The following TNR variants were observed in gnomAD, a reference collection of about 807,000 sequenced individuals.
The protein encoded by TNR is tenascin-R.
Under a neutral mutation model 150.4 loss-of-function variants are expected in TNR, and 45 were observed. The ratio of observed to expected loss-of-function variants is 0.30; its 90% confidence interval spans 0.24 to 0.38. The LOEUF (loss-of-function observed/expected upper bound fraction) is 0.38. TNR is among the 10% of genes least tolerant of loss of function. TNR has a pLI of 1.00. For synonymous variants in TNR, 687 were observed against 678.4 expected (o/e 1.01, Z -0.20); for missense variants, 1,544 against 1,759.1 (o/e 0.88, Z 2.19).
intron 2 of TNR, among the ~76,000 whole-genome samples, chr1:175,460,163 T>G (rs541148424): frequency 6.6e-6 from 1 of 151,938 alleles, no homozygotes; most frequent in East Asian, 1.9e-4. Flanking sequence ...AGTGAAGGTG[T>G]GAGAGGGGAG....
chr1:175,675,578 A>G (rs907046497), intron 1 of TNR, among the ~76,000 whole-genome samples: 4 of 152,264 alleles, frequency 2.6e-5, no homozygotes, highest in Admixed American at 2.0e-4. Flanking sequence ...TGTAAGGTGT[A>G]CACACAGATG....
In TNR at chr1:175,362,796, G is replaced by C; in HGVS notation, c.2721C>G (p.Asp907Glu). Residue 907 changes from aspartate (D) to glutamate (E), a missense_variant, in exon 14 of 23, where the codon GAC becomes GAG. Asp to Glu is a conservative substitution (Grantham distance 45). Around this residue, in one of 2 missense-constraint regions of TNR, gnomAD observed 1,254 missense variants for 1,329.4 expected, o/e 0.94. Coordinates refer to ENST00000367674, the MANE Select transcript of TNR (RefSeq NM_003285.3). ...SYRPTQVGRLDSSVVPNTVTE... is the reference protein window; with the variant it reads ...SYRPTQVGRLESSVVPNTVTE... Reference sequence around the variant, plus strand: ...TCACAGTGTTGGGCACCACTGAGCTGTCTAGTCGTCCCACTGGAGAAGAGA... The same window carrying C: ...TCACAGTGTTGGGCACCACTGAGCTCTCTAGTCGTCCCACTGGAGAAGAGA... 1 of 1,614,088 alleles carries C rather than the reference G, an allele frequency of 6.2e-7. No individual in the cohort carries two copies. Among genetic ancestry groups the C allele is most frequent in the Non-Finnish European group, 8.5e-7 (1 of 1,179,972 alleles).
intron 2 of TNR, among the ~76,000 whole-genome samples, chr1:175,431,915 C>CTCTCTCTCTCTCTCTCCT (rs1438928647): frequency 3.1e-4 from 47 of 151,614 alleles, no homozygotes; most frequent in Non-Finnish European, 6.5e-4. Flanking sequence ...CATAATATCT[C>CTCTCTCTCTCTCTCTCCT]TCTCTCTCTC....
intron 2 of TNR, among the ~76,000 whole-genome samples, chr1:175,413,020 T>C (rs1040945389): frequency 6.6e-6 from 1 of 152,186 alleles, no homozygotes; most frequent in African/African-American, 2.4e-5. Flanking sequence ...GTGGCCTGTC[T>C]TTGGCACTTT....
intron 2 of TNR, among the ~76,000 whole-genome samples, chr1:175,497,267 G>A (rs1342786967): frequency 6.6e-6 from 1 of 152,102 alleles, no homozygotes; most frequent in Non-Finnish European, 1.5e-5. Context: ...AGCAGAATCC[G>A]CTAACTCTGA....
At chr1:175,718,047 G>T (rs1339962263) in intron 1 of TNR, among the ~76,000 whole-genome samples, 1 of 152,248 alleles carries the variant, frequency 6.6e-6, no homozygotes, top group Non-Finnish European at 1.5e-5. Context: ...GATGCCTACT[G>T]TCAGTTGTTA....
chr1:175,474,221 C>T (rs1657423364), intron 2 of TNR, among the ~76,000 whole-genome samples: 1 of 152,090 alleles, frequency 6.6e-6, no homozygotes, highest in Admixed American at 6.5e-5. Context: ...GGTTGAAGTC[C>T]TAACTCTCAG....
intron 20 of TNR, chr1:175,330,641 CAT>C (rs10542882): frequency 0.024 from 3,808 of 156,664 alleles, 161 homozygotes; most frequent in African/African-American, 0.086. Context: ...GAGGTGAAAA[CAT>C]TGATTAGAGG....
At chr1:175,630,757 CACACTAAATTTACT>C (rs1434272645) in intron 1 of TNR, among the ~76,000 whole-genome samples, 1 of 152,068 alleles carries the variant, frequency 6.6e-6, no homozygotes, top group Non-Finnish European at 1.5e-5. Flanking sequence ...AGGGCTATTT[CACACTAAATTTACT>C]TGTGCTCCTA....
At chr1:175,650,191 G>A (rs1300398950) in intron 1 of TNR, among the ~76,000 whole-genome samples, 3 of 151,964 alleles carry the variant, frequency 2.0e-5, no homozygotes, top group African/African-American at 7.3e-5. Context: ...AGACCAGCCT[G>A]GCCAACATGG....
intron 1 of TNR, among the ~76,000 whole-genome samples, chr1:175,554,500 C>G (rs1048069570): frequency 3.3e-5 from 5 of 152,094 alleles, no homozygotes; most frequent in African/African-American, 1.2e-4. Context: ...GCATAGGGTT[C>G]TATTTGTTTG....
rs778088351 is a variant in TNR at position 175,365,297 on chromosome 1, T to C, written c.2318-18A>G. 1.3e-6 allele frequency: 2 copies of C among 1,582,620 alleles called. No individual in the cohort carries two copies. Among genetic ancestry groups the C allele is most frequent in the Non-Finnish European group, 1.7e-6 (2 of 1,162,008 alleles). ...ACGGAAGCCTGCAAAGCAAAGGAGA[T>C]GGATGGTCCTGAAACACGTGAGGAG... On this transcript the variant is annotated intron_variant, in intron 11 of 22. Coordinates refer to ENST00000367674, the MANE Select transcript of TNR (RefSeq NM_003285.3).
At chr1:175,500,970 G>A (rs919586918) in intron 2 of TNR, among the ~76,000 whole-genome samples, 1 of 152,150 alleles carries the variant, frequency 6.6e-6, no homozygotes, top group Non-Finnish European at 1.5e-5. Context: ...GTCCAAGATG[G>A]CCCCAACATT....
At chr1:175,696,659 C>T (rs1403361708) in intron 1 of TNR, among the ~76,000 whole-genome samples, 1 of 152,118 alleles carries the variant, frequency 6.6e-6, no homozygotes, top group Non-Finnish European at 1.5e-5. Flanking sequence ...GCAGGCAGAT[C>T]ACCTGTGGTC....
At chr1:175,723,276 C>A (rs900706677) in intron 1 of TNR, among the ~76,000 whole-genome samples, 2 of 152,302 alleles carry the variant, frequency 1.3e-5, no homozygotes, top group South Asian at 4.1e-4. Flanking sequence ...ATTCCTCATA[C>A]ACAGTGGATG....
intron 1 of TNR, among the ~76,000 whole-genome samples, chr1:175,581,746 G>A (rs1230478074): frequency 6.6e-6 from 1 of 152,120 alleles, no homozygotes; most frequent in African/African-American, 2.4e-5. Context: ...CAGGTTTATA[G>A]TGTTGGTGAC....
At chr1:175,526,437 T>C (rs1659850388) in intron 2 of TNR, among the ~76,000 whole-genome samples, 1 of 152,160 alleles carries the variant, frequency 6.6e-6, no homozygotes, top group Admixed American at 6.5e-5. Flanking sequence ...GAGACATATC[T>C]ACACAGAGAA....
At chr1:175,326,577 T>G (rs1444240168) in intron 21 of TNR, among the ~76,000 whole-genome samples, 2 of 151,864 alleles carry the variant, frequency 1.3e-5, no homozygotes, top group African/African-American at 4.8e-5. Flanking sequence ...CCATCTAGAG[T>G]TAACCCCACC....
intron 2 of TNR, among the ~76,000 whole-genome samples, chr1:175,495,949 C>T (rs1053550679): frequency 3.9e-5 from 6 of 152,240 alleles, no homozygotes; most frequent in African/African-American, 1.4e-4. Context: ...TACTTCCCCA[C>T]ATCCTGTCAC....
Sources: allele counts gnomAD v4.1 joint callset (sites outside exome capture counted in the v4.1 genomes callset), GRCh38; gene constraint gnomAD v4.1.1; regional missense constraint gnomAD v4.1.1; transcripts MANE v1.5; gene names NCBI Gene and HGNC (gene_info 2026-07-23, HGNC 2026-07-21).